Variants in PLEKHA6 observed in about 807,000 individuals in gnomAD.
PLEKHA6 encodes pleckstrin homology domain containing A6, also known as pleckstrin homology domain-containing family A member 6.
In PLEKHA6, 60 loss-of-function variants were observed where a neutral mutation model predicts 116.7. That is an observed-to-expected ratio of 0.51 (90% confidence interval 0.42 to 0.64). PLEKHA6 has a LOEUF of 0.64. PLEKHA6 is among the 30% of genes least tolerant of loss of function. PLEKHA6 has a pLI of 0.00. For synonymous variants in PLEKHA6, 489 were observed against 556.1 expected, an observed-to-expected ratio of 0.88 and a Z score of 1.70; for missense variants, 1,338 against 1,422.7, an observed-to-expected ratio of 0.94 and a Z score of 0.96.
At chr1:204,360,180 G>A (rs369849190), upstream of PLEKHA6, among the ~76,000 whole-genome samples, 7 of 152,200 alleles carry the variant, frequency 4.6e-5, no homozygotes, top group East Asian at 5.8e-4. Flanking sequence ...CAGGGCCACC[G>A]TCTGGGTAAG....
chr1:204,355,570 C>T (rs373196979), intron 1 of PLEKHA6, among the ~76,000 whole-genome samples: 3 of 152,036 alleles, frequency 2.0e-5, no homozygotes, highest in East Asian at 1.9e-4. Flanking sequence ...CTCCCAGGTA[C>T]GTGGGATTAC....
chr1:204,316,915 G>A (rs1023296025), intron 1 of PLEKHA6, among the ~76,000 whole-genome samples: 23 of 152,184 alleles, frequency 1.5e-4, no homozygotes, highest in African/African-American at 5.5e-4. Flanking sequence ...ATGAACCCCA[G>A]ACAGATAAAG....
intron 1 of PLEKHA6, among the ~76,000 whole-genome samples, chr1:204,351,699 A>G (rs1486158587): frequency 2.0e-5 from 3 of 152,170 alleles, no homozygotes; most frequent in Non-Finnish European, 4.4e-5. Flanking sequence ...GACTTAGAGA[A>G]GGTGAGGGAC....
intron 1 of PLEKHA6, among the ~76,000 whole-genome samples, chr1:204,331,878 A>C (rs1672465814): frequency 7.4e-6 from 1 of 135,400 alleles, no homozygotes; most frequent in Non-Finnish European, 1.6e-5. Context: ...CCCCGTCCTC[A>C]AAGCCCCATG....
rs75680180 is a variant in PLEKHA6, at chr1:204,265,772, A to G, written c.281-730T>C. On this transcript the variant is annotated intron_variant, in intron 5 of 22. Coordinates refer to ENST00000272203, the MANE Select transcript of PLEKHA6 (RefSeq NM_014935.5). ...TGCTGCAGATCCCTGCTGAGGTTCT[A>G]TGTCTCCACAGGAAAAGGAGTGCTC... Among the ~76,000 whole-genome samples the G allele has an allele frequency of 9.2e-3, 1,404 of 152,226 alleles. 27 individuals are homozygous for G. The highest frequency in any genetic ancestry group is 0.032 in the African/African-American group (1,328 of 41,522).
chr1:204,349,431 C>T (rs1257278942), intron 1 of PLEKHA6, among the ~76,000 whole-genome samples: 2 of 150,760 alleles, frequency 1.3e-5, no homozygotes, highest in African/African-American at 4.9e-5. Flanking sequence ...ATCCCAGCTA[C>T]TTGGGAGGCT....
At chr1:204,242,184 A>T (rs1662924134) in intron 15 of PLEKHA6, among the ~76,000 whole-genome samples, 1 of 152,224 alleles carries the variant, frequency 6.6e-6, no homozygotes, top group Non-Finnish European at 1.5e-5. Flanking sequence ...AGACATGAGC[A>T]AACAGAACCA....
At chr1:204,352,759 A>T (rs1368928964) in intron 1 of PLEKHA6, among the ~76,000 whole-genome samples, 3 of 152,128 alleles carry the variant, frequency 2.0e-5, no homozygotes, top group African/African-American at 4.8e-5. Flanking sequence ...CCGAGGCAGG[A>T]GGATCACTTG....
At chr1:204,230,335 C>T in intron 18 of PLEKHA6, 78 bp downstream of exon 18, 4 of 1,230,056 alleles carry the variant, frequency 3.3e-6, no homozygotes, top group South Asian at 1.6e-5. Flanking sequence ...CCCCCAGGCC[C>T]AAGCTGGCCA....
In PLEKHA6 at chr1:204,371,053, C is replaced by CAAAAAAAAAAAAAAAAAAAAAAAA. The variant is rs34493461; in HGVS notation, c.160+453_160+476dup. Reference sequence around the variant, plus strand: ...TGTGCGACAGAGTAAGACTCTGCCTCAAAAAAAAAAAAAAAAAAAAAAAAT... The same window carrying CAAAAAAAAAAAAAAAAAAAAAAAA: ...TGTGCGACAGAGTAAGACTCTGCCTCAAAAAAAAAAAAAAAAAAAAAAAAAAAAAAAAAAAAAAAAAAAAAAAAT... On this transcript the variant is annotated intron_variant, in intron 2 of 4. Coordinates refer to the PLEKHA6 transcript ENST00000564627. Among the ~76,000 whole-genome samples the CAAAAAAAAAAAAAAAAAAAAAAAA allele has an allele frequency of 1.9e-4, 13 of 68,482 alleles. 1 individual carries two copies. The highest frequency in any genetic ancestry group is 7.7e-4 in the African/African-American group (13 of 16,834). The allele number at this position is 68,482 out of a possible 152,430, so 44.9% of individuals were successfully genotyped here.
At chr1:204,267,349 G>A in intron 5 of PLEKHA6, 126 bp downstream of exon 5, 3 of 766,026 alleles carry the variant, frequency 3.9e-6, no homozygotes, top group Non-Finnish European at 4.6e-6. Context: ...CTGGTGCCAG[G>A]ACCACAGTGA....
At chr1:204,290,757 A>G (rs1421983587) in intron 1 of PLEKHA6, among the ~76,000 whole-genome samples, 1 of 152,184 alleles carries the variant, frequency 6.6e-6, no homozygotes, top group Non-Finnish European at 1.5e-5. Context: ...TCGGGTGCCA[A>G]GGTGGGGAGA....
chr1:204,287,919 A>G (rs1374770806), intron 1 of PLEKHA6, among the ~76,000 whole-genome samples: 1 of 152,218 alleles, frequency 6.6e-6, no homozygotes. Flanking sequence ...CCCTTGGACT[A>G]AGATAATTTT....
rs1422391886 is a variant in PLEKHA6, at chr1:204,244,952, AG to A, written c.2083del (p.Leu695SerfsTer10). 1 of 1,480,336 alleles carries A rather than the reference AG, an allele frequency of 6.8e-7. No homozygotes were observed. The highest frequency in any genetic ancestry group is 9.0e-7 in the Non-Finnish European group (1 of 1,112,576). 91.7% of individuals were successfully genotyped at this position (1,480,336 alleles called of 1,614,324 possible). ...TYSSNSPASP[L>X]SSASLTSPLS... is the part of the protein sequence containing the mutation. ...GGGGCTGGTGAGGCTGGCAGAGCTG[AG>A]GGGGCTGGCCGGGCTGTTGGAGCTG... On this transcript the variant is annotated frameshift_variant, in exon 15 of 23. Coordinates refer to ENST00000272203, the MANE Select transcript of PLEKHA6 (RefSeq NM_014935.5). LOFTEE classifies it high-confidence loss of function.
chr1:204,304,438 A>T (rs943953044), intron 1 of PLEKHA6, among the ~76,000 whole-genome samples: 9 of 152,238 alleles, frequency 5.9e-5, no homozygotes, highest in Non-Finnish European at 1.3e-4. Context: ...GTTTTCAGAA[A>T]TCTGCCCCAA....
Position 204,261,784 on chromosome 1 carries a change from T to C in PLEKHA6, c.382-336A>G, listed in dbSNP as rs975297385. 3.3e-5 allele frequency among the ~76,000 whole-genome samples: 5 copies of C among 152,182 alleles called. No homozygotes were observed. The highest frequency in any genetic ancestry group is 7.3e-5 in the Non-Finnish European group (5 of 68,034). On this transcript the variant is annotated intron_variant, in intron 6 of 22. Coordinates refer to ENST00000272203, the MANE Select transcript of PLEKHA6 (RefSeq NM_014935.5). This position sits in a 1 kb window ranked among gnomAD's most constrained non-coding sequence, Gnocchi z 4.0. ...CCATTCTCCCGGCAAATTCCATGTT[T>C]GATTTCAAAGGCAATGACCCCATGT...
chr1:204,297,347 A>G, intron 1 of PLEKHA6: 1 of 324,274 alleles, frequency 3.1e-6, no homozygotes, highest in Non-Finnish European at 4.4e-6. Context: ...CTTTCCAACA[A>G]GAAATTCTAC....
intron 1 of PLEKHA6, chr1:204,317,319 A>G (rs1671896932): frequency 3.0e-6 from 1 of 334,610 alleles, no homozygotes; most frequent in Non-Finnish European, 4.3e-6. Flanking sequence ...GAGTCTGGGA[A>G]GAGATAAGAT....
rs778093268 is a variant in PLEKHA6 at position 204,230,539 on chromosome 1, C to T, written c.2457G>A (p.Met819Ile). 5 of 1,601,900 alleles carry T rather than the reference C, an allele frequency of 3.1e-6. No individual in the cohort carries two copies. Among genetic ancestry groups the T allele is most frequent in the Middle Eastern group, 1.6e-4 (1 of 6,072 alleles). The change falls in exon 18 of 23, where the codon ATG becomes ATA. Residue 819 changes from methionine to isoleucine, a missense_variant. Physicochemically the swap from Met to Ile is conservative, Grantham distance 10 (BLOSUM62 1). Transcript: ENST00000272203. ...TTCGGTCAATCTGCTCCTCCACGCT[C>T]ATCTTGACCTTCCCCTCGCCAGGAA... ...AVFPGEGKVK[M>I]SVEEQIDRMR...
Sources: gnomAD v4.1 joint callset for allele counts (sites outside exome capture counted in the v4.1 genomes callset) on GRCh38, gnomAD v4.1.1 for gene constraint, Gnocchi (gnomAD v3.1) non-coding constraint, MANE v1.5 for transcripts, NCBI Gene and HGNC (gene_info 2026-07-23, HGNC 2026-07-21) for gene names.